The following EPB41L5 variants were observed in gnomAD, a reference collection of about 807,000 sequenced individuals.
EPB41L5 encodes band 4.1-like protein 5.
A neutral mutation model predicts 106.6 loss-of-function variants in EPB41L5; 55 were observed. The observed-to-expected ratio is 0.52, with a 90% CI of 0.42 to 0.65. The LOEUF is 0.65. Among genes scored for constraint, EPB41L5 ranks in the 30% least tolerant of loss-of-function variants. The probability of loss-of-function intolerance (pLI) is 0.00; values close to 1 mark genes in which losing one functional copy is unlikely to be tolerated. For missense variants in EPB41L5, 871 were observed against 882.1 expected (o/e 0.99, Z 0.16); for synonymous variants, 297 against 306.7 (o/e 0.97, Z 0.33).
chr2:120,126,137 A>C (rs1223818630), intron 16 of EPB41L5, among the ~76,000 whole-genome samples: 1 of 152,190 alleles, frequency 6.6e-6, no homozygotes, highest in African/African-American at 2.4e-5. Context: ...TTAATATAGT[A>C]AGTAATATAT....
chr2:120,131,912 G>C (rs1444792850), intron 18 of EPB41L5, among the ~76,000 whole-genome samples, 197 bp downstream of exon 18: 2 of 152,042 alleles, frequency 1.3e-5, no homozygotes, highest in African/African-American at 2.4e-5. Context: ...GCACAGCAAA[G>C]TGAATTGTAA....
chr2:120,048,070 T>G (rs1485842942), intron 3 of EPB41L5, among the ~76,000 whole-genome samples: 1 of 152,060 alleles, frequency 6.6e-6, no homozygotes, highest in Non-Finnish European at 1.5e-5. Context: ...TGCCAGTATT[T>G]TATTGAGGAG....
At chr2:120,057,664 T>C (rs774632186) in intron 3 of EPB41L5, among the ~76,000 whole-genome samples, 7 of 152,074 alleles carry the variant, frequency 4.6e-5, no homozygotes, top group African/African-American at 9.7e-5. Flanking sequence ...TTGGTACAAC[T>C]TTGTTATTAA....
chr2:120,040,836 G>C (rs1323177315), intron 2 of EPB41L5, among the ~76,000 whole-genome samples: 1 of 152,124 alleles, frequency 6.6e-6, no homozygotes, highest in Non-Finnish European at 1.5e-5. Context: ...CAAAGGACAA[G>C]TTGAGATAAT....
intron 20 of EPB41L5, among the ~76,000 whole-genome samples, chr2:120,148,301 G>C (rs1686502472): frequency 6.6e-6 from 1 of 152,020 alleles, no homozygotes; most frequent in African/African-American, 2.4e-5. Flanking sequence ...CATAGGTCTA[G>C]AAACTCCTTA....
chr2:120,151,715 C>G (rs1686688192), intron 20 of EPB41L5, among the ~76,000 whole-genome samples: 1 of 150,572 alleles, frequency 6.6e-6, no homozygotes, highest in Non-Finnish European at 1.5e-5. Context: ...CTCCTGGGTT[C>G]AAGCGATTCT....
At chr2:120,062,289 A>C (rs1397315468) in intron 3 of EPB41L5, among the ~76,000 whole-genome samples, 1 of 152,222 alleles carries the variant, frequency 6.6e-6, no homozygotes, top group Non-Finnish European at 1.5e-5. Context: ...GTATATTGTA[A>C]CACACATATT....
In EPB41L5 at chr2:120,078,600, C is replaced by A; in HGVS notation, c.803+19C>A. 3.3e-6 allele frequency: 5 copies of A among 1,523,768 alleles called. No individual in the cohort carries two copies. In the South Asian group the frequency reaches 4.6e-5, roughly 14 times the overall value. 94.4% of individuals were successfully genotyped at this position (1,523,768 alleles called of 1,614,324 possible). A position where few individuals can be genotyped will look rare whatever the true frequency, so the allele number is the denominator to read the frequency against. On this transcript the variant is annotated intron_variant, in intron 10 of 24. Transcript: ENST00000263713. Reference sequence around the variant, plus strand: ...TTTTTTGGTAAGCAAGAGTTATTGTCAAAGATACTTACTGTTGTTTTGGTT... The same window carrying A: ...TTTTTTGGTAAGCAAGAGTTATTGTAAAAGATACTTACTGTTGTTTTGGTT...
intron 22 of EPB41L5, among the ~76,000 whole-genome samples, chr2:120,165,112 A>G (rs762331251): frequency 1.3e-5 from 2 of 152,218 alleles, no homozygotes; most frequent in East Asian, 3.8e-4. Flanking sequence ...TACAAATCAC[A>G]TGTCTCTATA....
At chr2:120,106,989 C>T (rs1386218260) in intron 16 of EPB41L5, 1 of 825,474 alleles carries the variant, frequency 1.2e-6, no homozygotes, top group East Asian at 1.2e-4. Flanking sequence ...CAGTATAATT[C>T]AAATCATCTT....
At chr2:120,057,338 C>T (rs1053587284) in intron 3 of EPB41L5, among the ~76,000 whole-genome samples, 2 of 152,166 alleles carry the variant, frequency 1.3e-5, no homozygotes, top group African/African-American at 4.8e-5. Context: ...ACTACCCCAT[C>T]GTCTATTTTA....
At chr2:120,156,834 A>G (rs1448096519) in intron 20 of EPB41L5, among the ~76,000 whole-genome samples, 1 of 152,248 alleles carries the variant, frequency 6.6e-6, no homozygotes, top group Non-Finnish European at 1.5e-5. Context: ...CCCACACAGT[A>G]ATAGTGGGAG....
chr2:120,090,062 T>C (rs1332559582), intron 11 of EPB41L5, among the ~76,000 whole-genome samples: 1 of 152,000 alleles, frequency 6.6e-6, no homozygotes, highest in Non-Finnish European at 1.5e-5. Context: ...ATTATAATTA[T>C]ACAGTTATCC....
intron 1 of EPB41L5, 24 bp from the exon 2 acceptor site, chr2:120,019,053 A>G (rs2105119883): frequency 1.3e-6 from 2 of 1,570,022 alleles, no homozygotes; most frequent in East Asian, 4.5e-5. Flanking sequence ...TCCTGATGCC[A>G]TCTTTTTCTC....
chr2:120,094,469 T>C (rs1280822133), intron 14 of EPB41L5, among the ~76,000 whole-genome samples: 1 of 149,238 alleles, frequency 6.7e-6, no homozygotes, highest in Admixed American at 6.6e-5. Flanking sequence ...ATTTTGAGTT[T>C]TTTTTTTTCT....
intron 16 of EPB41L5, among the ~76,000 whole-genome samples, chr2:120,107,114 A>G (rs1231006879): frequency 6.6e-6 from 1 of 152,054 alleles, no homozygotes; most frequent in African/African-American, 2.4e-5. Flanking sequence ...TTCAAAAGGT[A>G]CATCGCCAGG....
At chr2:120,115,360 A>C (rs1170085535) in intron 16 of EPB41L5, among the ~76,000 whole-genome samples, 2 of 152,076 alleles carry the variant, frequency 1.3e-5, no homozygotes, top group African/African-American at 2.4e-5. Context: ...TTAAGTAGAT[A>C]TGTTCTGGTG....
chr2:120,063,676 T>TG (rs1681239717), intron 3 of EPB41L5, among the ~76,000 whole-genome samples: 1 of 152,184 alleles, frequency 6.6e-6, no homozygotes, highest in African/African-American at 2.4e-5. Context: ...CCGGGTGCAG[T>TG]GGCTCACGCC....
chr2:120,139,445 A>T (rs997698856), intron 18 of EPB41L5, among the ~76,000 whole-genome samples: 7 of 152,078 alleles, frequency 4.6e-5, no homozygotes, highest in African/African-American at 1.7e-4. Context: ...TGGACTAATA[A>T]CCAGAATATA....
Sources: gnomAD v4.1 joint callset for allele counts (sites outside exome capture counted in the v4.1 genomes callset) on GRCh38, gnomAD v4.1.1 for gene constraint, MANE v1.5 for transcripts, NCBI Gene and HGNC (gene_info 2026-07-23, HGNC 2026-07-21) for gene names.